The following CSMD1 variants were observed in gnomAD, a reference collection of about 807,000 sequenced individuals.
The protein encoded by CSMD1 is CUB and sushi domain-containing protein 1.
Under a neutral mutation model 417.5 loss-of-function variants are expected in CSMD1, and 213 were observed. The ratio of observed to expected loss-of-function variants is 0.51; its 90% CI spans 0.46 to 0.57. The LOEUF (loss-of-function observed/expected upper bound fraction) is 0.57. CSMD1 is among the 20% of genes least tolerant of loss of function. The pLI is 0.00. For synonymous variants in CSMD1, 2,862 were observed against 1,736.8 expected (o/e 1.65, Z -16.11); for missense variants, 6,923 against 4,529.7 (o/e 1.53, Z -15.17).
chr8:3,085,259 T>C (rs1442641307), intron 49 of CSMD1, among the ~76,000 whole-genome samples: 2 of 152,104 alleles, frequency 1.3e-5, no homozygotes, highest in Admixed American at 1.3e-4. Flanking sequence ...TCCCTCCAAG[T>C]TTAAAGGTCA....
At chr8:4,680,219 T>C (rs1805951147) in intron 1 of CSMD1, among the ~76,000 whole-genome samples, 1 of 152,226 alleles carries the variant, frequency 6.6e-6, no homozygotes, top group Non-Finnish European at 1.5e-5. Flanking sequence ...CAAAAATGCA[T>C]GCTGTGCTTC....
At chr8:4,956,822 T>A (rs1218892564) in intron 1 of CSMD1, among the ~76,000 whole-genome samples, 1 of 152,170 alleles carries the variant, frequency 6.6e-6, no homozygotes, top group African/African-American at 2.4e-5. Flanking sequence ...CCTGTTGCAT[T>A]GCTTCCACGC....
chr8:3,291,221 A>C (rs4875164), intron 25 of CSMD1, among the ~76,000 whole-genome samples: 1 of 152,266 alleles, frequency 6.6e-6, no homozygotes, highest in African/African-American at 2.4e-5. Context: ...GCTGGATTCC[A>C]TTTGCCAGTA....
At chr8:4,196,659 C>T (rs1799357586) in intron 3 of CSMD1, among the ~76,000 whole-genome samples, 1 of 152,072 alleles carries the variant, frequency 6.6e-6, no homozygotes. Flanking sequence ...TCTTTGTGAC[C>T]CATTCTTCTG....
At chr8:3,198,734 T>C (rs1174876362) in intron 33 of CSMD1, among the ~76,000 whole-genome samples, 1 of 152,192 alleles carries the variant, frequency 6.6e-6, no homozygotes, top group African/African-American at 2.4e-5. Flanking sequence ...TGATACATAA[T>C]ATAACACTGT....
At chr8:4,021,735 C>G (rs889154898) in intron 4 of CSMD1, among the ~76,000 whole-genome samples, 1 of 152,080 alleles carries the variant, frequency 6.6e-6, no homozygotes, top group African/African-American at 2.4e-5. Context: ...ATCCCTTTAC[C>G]TATCCCCGTC....
At chr8:4,494,372 G>C (rs1801874487) in intron 2 of CSMD1, among the ~76,000 whole-genome samples, 1 of 152,142 alleles carries the variant, frequency 6.6e-6, no homozygotes, top group African/African-American at 2.4e-5. Context: ...ACTTACTAAA[G>C]TGAAATATGA....
chr8:4,897,331 C>T (rs1322363103), intron 1 of CSMD1, among the ~76,000 whole-genome samples: 2 of 151,910 alleles, frequency 1.3e-5, no homozygotes, highest in East Asian at 3.9e-4. Flanking sequence ...ACCAAGTATG[C>T]CAATATATAT....
At position 3,005,090 on chromosome 8, in the gene CSMD1, G is replaced by C. The variant is rs560126171; in HGVS notation, c.8030-4959C>G. On this transcript the variant is annotated intron_variant, in intron 52 of 69. Transcript: ENST00000635120. ...GGAGGCAGAGGTTGCAGTGAGCCGAGATTGCACCACTGCACTCCAGCCTGG... is the reference window on the plus strand; with the variant it reads ...GGAGGCAGAGGTTGCAGTGAGCCGACATTGCACCACTGCACTCCAGCCTGG... 3.3e-5 allele frequency among the ~76,000 whole-genome samples: 5 copies of C among 152,272 alleles called. No individual in the cohort carries two copies. The East Asian group carries it at 9.7e-4, about 29-fold the overall frequency.
At chr8:3,337,323 G>A (rs963155) in intron 23 of CSMD1, among the ~76,000 whole-genome samples, 128,569 of 152,194 alleles carry the variant, frequency 0.84, 54,702 homozygotes, top group Non-Finnish European at 0.89. Context: ...AAACCTTTTT[G>A]TATCTATTCA....
At chr8:4,574,970 T>A (rs774516693) in intron 2 of CSMD1, among the ~76,000 whole-genome samples, 3 of 152,214 alleles carry the variant, frequency 2.0e-5, no homozygotes, top group Non-Finnish European at 2.9e-5. Flanking sequence ...TCTATGAAAT[T>A]CAGGTGAAAT....
chr8:3,600,416 A>C (rs1801306465), intron 8 of CSMD1, among the ~76,000 whole-genome samples: 1 of 152,228 alleles, frequency 6.6e-6, no homozygotes, highest in African/African-American at 2.4e-5. Context: ...GAATACAGAA[A>C]CTTAAGAGGT....
chr8:4,835,888 CT>C (rs1251587403), intron 1 of CSMD1, among the ~76,000 whole-genome samples: 1 of 151,632 alleles, frequency 6.6e-6, no homozygotes, highest in Admixed American at 6.6e-5. Flanking sequence ...AATGCTGCCT[CT>C]TTTTCTCTTT....
intron 26 of CSMD1, among the ~76,000 whole-genome samples, chr8:3,282,948 C>A (rs888842854): frequency 6.6e-6 from 1 of 152,112 alleles, no homozygotes; most frequent in Non-Finnish European, 1.5e-5. Flanking sequence ...TTGTGTGCTG[C>A]CCAATAATAT....
intron 7 of CSMD1, among the ~76,000 whole-genome samples, chr8:3,648,273 T>C (rs1162112275): frequency 2.6e-5 from 4 of 152,260 alleles, no homozygotes; most frequent in Admixed American, 6.5e-5. Context: ...CTCTTTTCTC[T>C]AGAGTAATAT....
intron 33 of CSMD1, among the ~76,000 whole-genome samples, chr8:3,194,389 C>T (rs528847567): frequency 1.1e-4 from 15 of 142,024 alleles, no homozygotes; most frequent in South Asian, 2.2e-4. Context: ...TGTTTATTTT[C>T]AGGAGACCAT....
At chr8:3,272,043 C>T (rs1189298118) in intron 26 of CSMD1, among the ~76,000 whole-genome samples, 1 of 151,298 alleles carries the variant, frequency 6.6e-6, no homozygotes, top group East Asian at 1.9e-4. Flanking sequence ...AGGTTTTCTT[C>T]TAGGGTTTTT....
chr8:4,837,122 T>C (rs1033734365), intron 1 of CSMD1, among the ~76,000 whole-genome samples: 2 of 152,070 alleles, frequency 1.3e-5, no homozygotes. Flanking sequence ...TGATTTCTAA[T>C]AGATCCAAAT....
At chr8:4,502,050 C>A (rs1349561631) in intron 2 of CSMD1, among the ~76,000 whole-genome samples, 1 of 152,034 alleles carries the variant, frequency 6.6e-6, no homozygotes, top group Non-Finnish European at 1.5e-5. Context: ...CAATTATGTC[C>A]ACAAACAAGT....
Sources: gnomAD v4.1 joint callset for allele counts (sites outside exome capture counted in the v4.1 genomes callset) on GRCh38, gnomAD v4.1.1 for gene constraint, MANE v1.5 for transcripts, NCBI Gene and HGNC (gene_info 2026-07-23, HGNC 2026-07-21) for gene names.